Variants in CDH18 observed in about 807,000 individuals in gnomAD.
CDH18 encodes cadherin 18, also known as cadherin-18.
A neutral mutation model predicts 67.9 loss-of-function variants in CDH18; 31 were observed. The observed-to-expected ratio is 0.46, with a 90% CI of 0.34 to 0.62. The LOEUF (loss-of-function observed/expected upper bound fraction) is 0.62, where lower values mean the gene tolerates loss of function less well. Among genes scored for constraint, CDH18 ranks in the 20% least tolerant of loss-of-function variants. The probability of loss-of-function intolerance (pLI) is 0.01; values close to 1 mark genes in which losing one functional copy is unlikely to be tolerated. For synonymous variants in CDH18, 362 were observed against 347.2 expected, an observed-to-expected ratio of 1.04 and a Z score of -0.48; for missense variants, 890 against 975.5, an observed-to-expected ratio of 0.91 and a Z score of 1.17.
intron 3 of CDH18, among the ~76,000 whole-genome samples, chr5:19,791,038 AAG>A (rs1395805344): frequency 6.6e-6 from 1 of 152,086 alleles, no homozygotes; most frequent in African/African-American, 2.4e-5. Flanking sequence ...AGTCACTGGG[AAG>A]AGACTTAGAG....
intron 5 of CDH18, among the ~76,000 whole-genome samples, chr5:19,696,241 G>C (rs1047062549): frequency 4.5e-4 from 13 of 28,882 alleles, no homozygotes; most frequent in African/African-American, 7.0e-4. Flanking sequence ...GTGTGTGTGT[G>C]TGTGTGTGTG....
intron 7 of CDH18, among the ~76,000 whole-genome samples, chr5:19,588,973 TTA>T (rs1229653756): frequency 6.6e-6 from 1 of 151,950 alleles, no homozygotes; most frequent in Non-Finnish European, 1.5e-5. Context: ...CTCACTGACA[TTA>T]TGAGACAGAT....
chr5:19,732,267 C>A (rs1294027249), intron 4 of CDH18, among the ~76,000 whole-genome samples: 1 of 151,780 alleles, frequency 6.6e-6, no homozygotes, highest in Non-Finnish European at 1.5e-5. Flanking sequence ...ATAGAGATAC[C>A]TAGTTTCTAC....
At chr5:19,817,180 T>A (rs186038055) in intron 3 of CDH18, among the ~76,000 whole-genome samples, 1 of 152,084 alleles carries the variant, frequency 6.6e-6, no homozygotes, top group East Asian at 1.9e-4. Context: ...ATATCTTTTT[T>A]TCACCCATCA....
At chr5:20,015,687 G>A (rs1737818245) in intron 2 of CDH18, among the ~76,000 whole-genome samples, 1 of 152,136 alleles carries the variant, frequency 6.6e-6, no homozygotes, top group South Asian at 2.1e-4. Context: ...TGAGACAACT[G>A]AACAGCAAAA....
At chr5:19,709,600 A>C (rs2030426) in intron 5 of CDH18, among the ~76,000 whole-genome samples, 83,498 of 150,298 alleles carry the variant, frequency 0.56, 26,235 homozygotes, top group East Asian at 0.74. Context: ...GTAAAGAAGG[A>C]AGGAAGGAAG....
chr5:19,952,396 A>G (rs1795884937), intron 2 of CDH18, among the ~76,000 whole-genome samples: 1 of 152,070 alleles, frequency 6.6e-6, no homozygotes. Context: ...CCCTAACCTA[A>G]TAACTCTGCT....
chr5:19,628,631 G>C (rs1751925748), intron 5 of CDH18, among the ~76,000 whole-genome samples: 1 of 152,012 alleles, frequency 6.6e-6, no homozygotes, highest in Non-Finnish European at 1.5e-5. Context: ...GAGATGAACT[G>C]TTTGTGGGGA....
chr5:19,987,038 A>T (rs748415022), intron 1 of CDH18, among the ~76,000 whole-genome samples: 6 of 152,138 alleles, frequency 3.9e-5, no homozygotes, highest in Non-Finnish European at 7.4e-5. Context: ...CCATCACCTG[A>T]GCAAACCGAA....
chr5:20,091,433 G>T (rs1289529075), intron 2 of CDH18, among the ~76,000 whole-genome samples: 1 of 152,116 alleles, frequency 6.6e-6, no homozygotes, highest in Non-Finnish European at 1.5e-5. Context: ...TGAAGCTGCA[G>T]CGAGCCATAA....
At chr5:20,319,201 C>CT in intron 1 of CDH18, among the ~76,000 whole-genome samples, 1 of 152,188 alleles carries the variant, frequency 6.6e-6, no homozygotes, top group East Asian at 1.9e-4. Flanking sequence ...AATTATTTCC[C>CT]TTTGGTCAGA....
intron 2 of CDH18, among the ~76,000 whole-genome samples, chr5:19,844,455 A>C (rs943694065): frequency 6.6e-6 from 1 of 152,166 alleles, no homozygotes; most frequent in Non-Finnish European, 1.5e-5. Flanking sequence ...TCCTTCCACC[A>C]ATATTGTAAG....
chr5:19,761,200 G>A (rs1772296651), intron 3 of CDH18, among the ~76,000 whole-genome samples: 1 of 152,136 alleles, frequency 6.6e-6, no homozygotes, highest in African/African-American at 2.4e-5. Flanking sequence ...TTCTCTACAG[G>A]AGATAAGAAT....
At chr5:20,448,987 G>A (rs1750222439) in intron 1 of CDH18, among the ~76,000 whole-genome samples, 1 of 147,896 alleles carries the variant, frequency 6.8e-6, no homozygotes, top group South Asian at 2.1e-4. Context: ...GCTTCCTGTT[G>A]CATGAATATA....
intron 5 of CDH18, among the ~76,000 whole-genome samples, chr5:19,631,926 G>A (rs974105878): frequency 2.0e-5 from 3 of 151,282 alleles, no homozygotes; most frequent in Admixed American, 1.3e-4. Context: ...GATTTATTTC[G>A]GTCATACAGT....
At chr5:20,553,896 A>G (rs1757771489) in intron 1 of CDH18, among the ~76,000 whole-genome samples, 1 of 152,158 alleles carries the variant, frequency 6.6e-6, no homozygotes, top group South Asian at 2.1e-4. Flanking sequence ...ACTCCTAAAG[A>G]GCTATTACAT....
intron 2 of CDH18, among the ~76,000 whole-genome samples, chr5:20,097,436 T>G (rs1022322582): frequency 6.6e-6 from 1 of 152,090 alleles, no homozygotes; most frequent in Non-Finnish European, 1.5e-5. Flanking sequence ...CCGTCAGATC[T>G]CATGAGACTT....
intron 1 of CDH18, among the ~76,000 whole-genome samples, chr5:20,337,610 T>A (rs1463004099): frequency 6.6e-6 from 1 of 152,198 alleles, no homozygotes; most frequent in Non-Finnish European, 1.5e-5. Flanking sequence ...CTGGACCTTA[T>A]TGTTCATATC....
intron 1 of CDH18, among the ~76,000 whole-genome samples, chr5:19,987,370 T>C (rs1561686530): frequency 6.6e-6 from 1 of 150,716 alleles, no homozygotes; most frequent in African/African-American, 2.4e-5. Flanking sequence ...AAACAAGAAG[T>C]TAAGAAAAAG....
Sources: gnomAD v4.1 joint callset for allele counts (sites outside exome capture counted in the v4.1 genomes callset) on GRCh38, gnomAD v4.1.1 for gene constraint, MANE v1.5 for transcripts, NCBI Gene and HGNC (gene_info 2026-07-23, HGNC 2026-07-21) for gene names.